Variants in JAKMIP3 observed in about 807,000 individuals in gnomAD.
JAKMIP3 encodes the protein Janus kinase and microtubule interacting protein 3.
In JAKMIP3, 58 loss-of-function variants were observed where a neutral mutation model predicts 118.5. The observed-to-expected ratio is 0.49, with a 90% CI of 0.40 to 0.61. The LOEUF is 0.61. JAKMIP3 is among the 20% of genes least tolerant of loss of function. The pLI is 0.00. For synonymous variants in JAKMIP3, 486 were observed against 451.2 expected, an observed-to-expected ratio of 1.08 and a Z score of -0.98; for missense variants, 950 against 1,109.0, an observed-to-expected ratio of 0.86 and a Z score of 2.04.
At chr10:132,136,627 C>T (rs1366259548) in intron 6 of JAKMIP3, among the ~76,000 whole-genome samples, 3 of 152,254 alleles carry the variant, frequency 2.0e-5, no homozygotes, top group Non-Finnish European at 2.9e-5. Flanking sequence ...CTCCTTACCC[C>T]TCTCTATGGA....
intron 1 of JAKMIP3, among the ~76,000 whole-genome samples, chr10:132,067,083 A>C (rs1712382353): frequency 6.6e-6 from 1 of 152,198 alleles, no homozygotes; most frequent in South Asian, 2.1e-4. Flanking sequence ...TCAGTTCCCG[A>C]GAAGAGCAGC....
At chr10:132,074,199 G>A (rs1298686305) in intron 1 of JAKMIP3, among the ~76,000 whole-genome samples, 1 of 152,154 alleles carries the variant, frequency 6.6e-6, no homozygotes, top group South Asian at 2.1e-4. Context: ...TTACAGGCAT[G>A]TGCCACCATG....
In JAKMIP3 at chr10:132,100,610, G is replaced by GCC. The variant is rs35461609; in HGVS notation, c.-137-4056_-137-4055dup. On this transcript the variant is annotated intron_variant, in intron 1 of 23. Transcript: ENST00000684848. ...CCCCCAGGGCCGGAGCGCAGGCCAC[G>GCC]CCCCCCCAGCAGCTATGAGCTCCGT... Among the ~76,000 whole-genome samples, 14 of 152,058 alleles carry GCC rather than the reference G, an allele frequency of 9.2e-5. 1 individual carries two copies. Among genetic ancestry groups the GCC allele is most frequent in the South Asian group, 6.2e-4 (3 of 4,820 alleles).
At chr10:132,054,157 A>G (rs1401505159) in intron 1 of JAKMIP3, among the ~76,000 whole-genome samples, 1 of 152,012 alleles carries the variant, frequency 6.6e-6, no homozygotes. Flanking sequence ...GGAACTTTGC[A>G]TGAACTTGGA....
At chr10:132,088,666 A>C (rs981581386) in intron 1 of JAKMIP3, among the ~76,000 whole-genome samples, 6 of 151,972 alleles carry the variant, frequency 3.9e-5, no homozygotes, top group Admixed American at 1.3e-4. Context: ...TTGCCAGTTC[A>C]CTCTGATGGT....
chr10:132,177,599 G>C (rs926362857), intron 23 of JAKMIP3, among the ~76,000 whole-genome samples: 3 of 148,310 alleles, frequency 2.0e-5, no homozygotes, highest in African/African-American at 7.5e-5. Context: ...GTGCATGTCT[G>C]TGCACACTGT....
chr10:132,144,260 G>A (rs1311037276), intron 11 of JAKMIP3: 2 of 152,272 alleles, frequency 1.3e-5, no homozygotes, highest in African/African-American at 4.8e-5. Flanking sequence ...GACGGGGGAA[G>A]CGCCAGGGCT....
At chr10:132,147,236 T>C (rs2054797701) in intron 13 of JAKMIP3, among the ~76,000 whole-genome samples, 1 of 152,168 alleles carries the variant, frequency 6.6e-6, no homozygotes, top group African/African-American at 2.4e-5. Context: ...TGAGTTTATC[T>C]TGGTCCCCTG....
intron 23 of JAKMIP3, among the ~76,000 whole-genome samples, chr10:132,177,823 G>T (rs758018951): frequency 2.7e-5 from 4 of 149,412 alleles, no homozygotes; most frequent in Non-Finnish European, 5.9e-5. Context: ...TTGGTTGTGC[G>T]TGCGCACCTG....
Position 132,093,366 on chromosome 10 carries a change from G to T in JAKMIP3, c.-137-11306G>T, listed in dbSNP as rs2043352643. On this transcript the variant is annotated intron_variant, in intron 1 of 23. Transcript: ENST00000684848. The stretch of plus-strand genomic sequence containing the variant: ...CGGCTGTGCCCTACCCCCAGAGGTG[G>T]AGTCTACAGAGGCAGGCAGGCAGGC... Among the ~76,000 whole-genome samples the T allele has an allele frequency of 2.0e-5, 3 of 152,312 alleles. No individual in the cohort carries two copies. The South Asian group carries it at 6.2e-4, about 32-fold the overall frequency.
intron 2 of JAKMIP3, among the ~76,000 whole-genome samples, chr10:132,109,145 TATAC>T (rs2046450073): frequency 2.7e-5 from 4 of 145,882 alleles, no homozygotes; most frequent in East Asian, 2.1e-4. Context: ...TATATATATA[TATAC>T]ACACACATAT....
At chr10:132,129,770 C>A (rs571565036) in intron 3 of JAKMIP3, among the ~76,000 whole-genome samples, 9 of 151,954 alleles carry the variant, frequency 5.9e-5, no homozygotes, top group African/African-American at 2.2e-4. Flanking sequence ...CCTGCCCCTG[C>A]GTTGTGTATC....
chr10:132,074,391 G>A (rs2040452021), intron 1 of JAKMIP3, among the ~76,000 whole-genome samples: 1 of 152,210 alleles, frequency 6.6e-6, no homozygotes. Context: ...TCTGACTGGT[G>A]TGAGATGGTA....
At chr10:132,093,351 C>G (rs2043349103) in intron 1 of JAKMIP3, among the ~76,000 whole-genome samples, 1 of 152,204 alleles carries the variant, frequency 6.6e-6, no homozygotes, top group South Asian at 2.1e-4. Flanking sequence ...CGGCTGTGCC[C>G]TACCCCCAGA....
chr10:132,137,133 A>T lies in JAKMIP3; in HGVS notation c.1231A>T (p.Ile411Leu), dbSNP rs1196616831. The T allele has an allele frequency of 1.2e-6, 2 of 1,613,810 alleles. No homozygotes were observed. The highest frequency in any genetic ancestry group is 1.7e-6 in the Non-Finnish European group (2 of 1,179,882). The change falls in exon 7 of 24, where the codon ATA becomes TTA. Residue 411 changes from isoleucine (I) to leucine (L), a missense_variant. By Grantham distance (5) the Ile-to-Leu change is conservative. Coordinates refer to ENST00000684848, the MANE Select transcript of JAKMIP3 (RefSeq NM_001323087.2). ...TCAGATTGTGGAGCAGCAAAACCTCATAGATGAACTGTCTAAGGTACCCGG... is the reference window on the plus strand; with the variant it reads ...TCAGATTGTGGAGCAGCAAAACCTCTTAGATGAACTGTCTAAGGTACCCGG... Reference protein sequence around the residue: ...KLQIVEQQNLIDELSKTLETA... With the variant: ...KLQIVEQQNLLDELSKTLETA...
chr10:132,174,725 G>A (rs1051058271), intron 23 of JAKMIP3, among the ~76,000 whole-genome samples: 5 of 152,068 alleles, frequency 3.3e-5, no homozygotes, highest in African/African-American at 4.8e-5. Flanking sequence ...CATTTCCACC[G>A]GCGCTGGGAG....
chr10:132,173,599 C>T (rs1205286633), intron 23 of JAKMIP3, among the ~76,000 whole-genome samples: 1 of 152,300 alleles, frequency 6.6e-6, no homozygotes, highest in South Asian at 2.1e-4. Context: ...TGCCTTTGTA[C>T]AGCTGATATT....
chr10:132,135,792 G>A, intron 5 of JAKMIP3, 138 bp from the exon 6 acceptor site: 2 of 904,316 alleles, frequency 2.2e-6, no homozygotes, highest in East Asian at 2.7e-5. Flanking sequence ...GGCACCACTT[G>A]GAGGCGTGGA....
rs11146153 is a variant in JAKMIP3 at position 132,086,901 on chromosome 10, C to T, written c.-137-17771C>T. Among the ~76,000 whole-genome samples the T allele has an allele frequency of 9.0e-3, 1,376 of 152,230 alleles. 15 individuals are homozygous for T. Among genetic ancestry groups the T allele is most frequent in the African/African-American group, 0.031 (1,302 of 41,540 alleles). The stretch of plus-strand genomic sequence containing the variant: ...GCGAGGTGCTGTTTCATTCATCATC[C>T]TATTTGTTGCCTGTATAGCTTGGCT... On this transcript the variant is annotated intron_variant, in intron 1 of 23. Coordinates refer to ENST00000684848, the MANE Select transcript of JAKMIP3 (RefSeq NM_001323087.2).
Sources: allele counts gnomAD v4.1 joint callset (sites outside exome capture counted in the v4.1 genomes callset), GRCh38; gene constraint gnomAD v4.1.1; transcripts MANE v1.5; gene names NCBI Gene and HGNC (gene_info 2026-07-23, HGNC 2026-07-21).